SH3RF2: variants seen among roughly 807,000 people sequenced by gnomAD.
SH3RF2 encodes SH3 domain containing ring finger 2.
SH3RF2 carries 43 observed loss-of-function variants against 59.0 expected under a neutral mutation model. That is an observed-to-expected ratio of 0.73 (90% CI 0.57 to 0.94). SH3RF2 has a LOEUF of 0.94. Among genes scored for constraint, SH3RF2 ranks in the 40% least tolerant of loss-of-function variants. The pLI is 0.00. For missense variants in SH3RF2, 930 were observed against 940.1 expected (o/e 0.99, Z 0.14); for synonymous variants, 391 against 391.5 (o/e 1.00, Z 0.01).
At chr5:146,026,955 GTTA>G (rs1761549967) in intron 5 of SH3RF2, among the ~76,000 whole-genome samples, 1 of 152,214 alleles carries the variant, frequency 6.6e-6, no homozygotes, top group East Asian at 1.9e-4. Context: ...TCACTCTGTT[GTTA>G]TTATTATCAT....
intron 9 of SH3RF2, among the ~76,000 whole-genome samples, chr5:146,070,584 G>C (rs1205587652): frequency 6.6e-6 from 1 of 152,150 alleles, no homozygotes; most frequent in East Asian, 1.9e-4. Context: ...CTCTCTTCAT[G>C]AGATTATTTC....
chr5:146,011,290 G>C (rs1256982861), intron 4 of SH3RF2, among the ~76,000 whole-genome samples: 1 of 152,172 alleles, frequency 6.6e-6, no homozygotes, highest in Non-Finnish European at 1.5e-5. Flanking sequence ...TAGCCTGGTA[G>C]TATAGTTTGA....
chr5:145,961,597 T>G (rs1758635451), intron 2 of SH3RF2, among the ~76,000 whole-genome samples: 1 of 152,234 alleles, frequency 6.6e-6, no homozygotes, highest in African/African-American at 2.4e-5. Context: ...GGCAGCCACC[T>G]GGCCATGTTC....
At chr5:145,937,550 G>A (rs527844214) in intron 1 of SH3RF2, among the ~76,000 whole-genome samples, 4 of 152,228 alleles carry the variant, frequency 2.6e-5, no homozygotes, top group South Asian at 2.1e-4. Context: ...AGGGGTTGGG[G>A]GGCCACTTCA....
At chr5:146,043,585 G>A (rs1302419506) in intron 5 of SH3RF2, among the ~76,000 whole-genome samples, 3 of 152,188 alleles carry the variant, frequency 2.0e-5, no homozygotes, top group East Asian at 1.9e-4. Flanking sequence ...GATACCAGAT[G>A]TTTGCATCAT....
chr5:145,967,063 G>C (rs990322145), intron 2 of SH3RF2, among the ~76,000 whole-genome samples: 1 of 152,058 alleles, frequency 6.6e-6, no homozygotes, highest in Non-Finnish European at 1.5e-5. Context: ...TATAAGTAGG[G>C]ACCCAGAGAC....
At chr5:145,973,497 T>G (rs865848511) in intron 2 of SH3RF2, among the ~76,000 whole-genome samples, 1 of 152,316 alleles carries the variant, frequency 6.6e-6, no homozygotes, top group Middle Eastern at 3.4e-3. Context: ...CAGTGGATAT[T>G]GAAATGTCCC....
At chr5:145,945,039 G>A (rs2149941552) in intron 2 of SH3RF2, among the ~76,000 whole-genome samples, 1 of 152,220 alleles carries the variant, frequency 6.6e-6, no homozygotes, top group East Asian at 1.9e-4. Flanking sequence ...CAGTATACCT[G>A]TATACAAAGA....
intron 2 of SH3RF2, among the ~76,000 whole-genome samples, chr5:145,988,483 G>A (rs534824607): frequency 6.6e-6 from 1 of 152,126 alleles, no homozygotes; most frequent in Admixed American, 6.5e-5. Context: ...AACAGTATTA[G>A]CCCCAATTTG....
chr5:146,061,951 G>T (rs993566961), intron 9 of SH3RF2, among the ~76,000 whole-genome samples: 3 of 152,110 alleles, frequency 2.0e-5, no homozygotes, highest in Non-Finnish European at 2.9e-5. Flanking sequence ...TGTCCAGTTT[G>T]CAAACTGTGC....
At chr5:146,004,686 T>C (rs1760566933) in intron 4 of SH3RF2, among the ~76,000 whole-genome samples, 1 of 151,524 alleles carries the variant, frequency 6.6e-6, no homozygotes, top group Non-Finnish European at 1.5e-5. Context: ...GAGAATAATA[T>C]GGAGAATAAT....
chr5:146,052,908 C>G (rs936584817), intron 7 of SH3RF2, among the ~76,000 whole-genome samples: 1 of 152,070 alleles, frequency 6.6e-6, no homozygotes. Flanking sequence ...TTCTTTGATT[C>G]TCTGTGTTTG....
rs531242398 is a variant in SH3RF2 at position 145,984,700 on chromosome 5, T to C, written c.379-15358T>C. On this transcript the variant is annotated intron_variant, in intron 2 of 9. Coordinates refer to ENST00000359120, the MANE Select transcript of SH3RF2 (RefSeq NM_152550.4). ...GTGTGAGTCTTTAGCACCCCTCTGA[T>C]GCACAGCCACTCGCTCCTTCCATGA... 6.6e-5 allele frequency among the ~76,000 whole-genome samples: 10 copies of C among 152,370 alleles called. No homozygotes were observed. The East Asian group carries it at 1.9e-3, about 29-fold the overall frequency.
At chr5:145,941,396 C>T (rs73310145) in intron 2 of SH3RF2, among the ~76,000 whole-genome samples, 3,329 of 152,266 alleles carry the variant, frequency 0.022, 127 homozygotes, top group African/African-American at 0.075. Flanking sequence ...AAAAAGAAAA[C>T]TTGAGAAACA....
chr5:146,035,199 G>A (rs1217800878), intron 5 of SH3RF2, among the ~76,000 whole-genome samples: 1 of 151,674 alleles, frequency 6.6e-6, no homozygotes, highest in Admixed American at 6.6e-5. Flanking sequence ...AATGTTCGTT[G>A]TTGTCGCTGT....
chr5:145,987,341 A>C (rs1759752521), intron 2 of SH3RF2, among the ~76,000 whole-genome samples: 1 of 151,964 alleles, frequency 6.6e-6, no homozygotes. Context: ...TATCCCTCGC[A>C]CCCTTCCCCC....
At chr5:146,047,906 G>A (rs780936942) in intron 6 of SH3RF2, 43 bp downstream of exon 6, 11 of 1,576,138 alleles carry the variant, frequency 7.0e-6, no homozygotes, top group African/African-American at 1.3e-5. Flanking sequence ...CTGGCACAAA[G>A]GGGTCATCTT....
At chr5:146,032,671 C>G (rs747168597) in intron 5 of SH3RF2, among the ~76,000 whole-genome samples, 5 of 152,144 alleles carry the variant, frequency 3.3e-5, no homozygotes, top group African/African-American at 4.8e-5. Context: ...AGCTCAGGGC[C>G]AAAGCCCAGC....
At chr5:145,948,895 G>A (rs1758091410) in intron 2 of SH3RF2, among the ~76,000 whole-genome samples, 1 of 152,218 alleles carries the variant, frequency 6.6e-6, no homozygotes, top group Admixed American at 6.5e-5. Context: ...TGGGTAAGGA[G>A]GTGTCTTGTC....
Sources: gnomAD v4.1 joint callset for allele counts (sites outside exome capture counted in the v4.1 genomes callset) on GRCh38, gnomAD v4.1.1 for gene constraint, MANE v1.5 for transcripts, NCBI Gene and HGNC (gene_info 2026-07-23, HGNC 2026-07-21) for gene names.